ZNF710: variants seen among roughly 807,000 people sequenced by gnomAD.
The protein encoded by ZNF710 is zinc finger protein 710.
ZNF710 carries 13 observed loss-of-function variants against 50.6 expected under a neutral mutation model. That is an observed-to-expected ratio of 0.26 (90% CI 0.17 to 0.41). The LOEUF (loss-of-function observed/expected upper bound fraction) is 0.41. Among genes scored for constraint, ZNF710 ranks in the 10% least tolerant of loss-of-function variants. ZNF710 has a pLI of 1.00. For synonymous variants in ZNF710, 383 were observed against 397.0 expected, an observed-to-expected ratio of 0.96 and a Z score of 0.42; for missense variants, 721 against 936.6, an observed-to-expected ratio of 0.77 and a Z score of 3.01.
At position 90,068,718 on chromosome 15, in the gene ZNF710, TTTTG is replaced by T; in HGVS notation, c.1458+124_1458+127del. 9.1e-7 allele frequency: 1 copy of T among 1,097,282 alleles called. No individual in the cohort carries two copies. The highest frequency in any genetic ancestry group is 1.3e-6 in the Non-Finnish European group (1 of 775,110). The allele number at this position is 1,097,282 out of a possible 1,614,324, so 68.0% of individuals were successfully genotyped here. ...TCCTAGTTTTATCGTTACGTACTTATTTTGATGAGTATTAGAAATCAATTAGTAT... is the reference window on the plus strand; with the variant it reads ...TCCTAGTTTTATCGTTACGTACTTATATGAGTATTAGAAATCAATTAGTAT... On this transcript the variant is annotated intron_variant, in intron 2 of 4. Coordinates refer to ENST00000268154, the MANE Select transcript of ZNF710 (RefSeq NM_198526.4). This position sits in a 1 kb window ranked among gnomAD's most constrained non-coding sequence, Gnocchi z 5.0.
rs780096477 is a variant in ZNF710, at chr15:90,067,651, C to T, written c.514C>T (p.Arg172Trp). 11 of 1,612,906 alleles carry T rather than the reference C, an allele frequency of 6.8e-6. No homozygotes were observed. The highest frequency in any genetic ancestry group is 6.7e-5 in the East Asian group (3 of 44,842). ...CTTCAGCCGCAAGCCCCGGACGCTC[C>T]GGCATCTGCCCCGAACCCCGAGGCC... Reference protein sequence around the residue: ...SAFSRKPRTLRHLPRTPRPEL... With the variant: ...SAFSRKPRTLWHLPRTPRPEL... The change falls in exon 2 of 5, where the codon CGG becomes TGG. Residue 172 changes from arginine (R) to tryptophan (W), a missense_variant. By Grantham distance (101) the Arg-to-Trp change is moderately radical. Coordinates refer to ENST00000268154, the MANE Select transcript of ZNF710 (RefSeq NM_198526.4). This position sits in a 1 kb window ranked among gnomAD's most constrained non-coding sequence, Gnocchi z 8.1.
At chr15:90,007,687 C>G (rs1482957497) in intron 1 of ZNF710, among the ~76,000 whole-genome samples, 1 of 150,534 alleles carries the variant, frequency 6.6e-6, no homozygotes, top group Non-Finnish European at 1.5e-5. Flanking sequence ...AGCCTCAGAG[C>G]CAGGATTAGA....
intron 1 of ZNF710, chr15:90,025,752 C>T (rs1187741343): frequency 1.3e-5 from 2 of 152,150 alleles, no homozygotes; most frequent in Non-Finnish European, 2.9e-5. Flanking sequence ...TTGTGCCAGT[C>T]GGGGAGTCCT....
intron 1 of ZNF710, among the ~76,000 whole-genome samples, chr15:90,027,622 C>T (rs1424472056): frequency 6.6e-6 from 1 of 152,054 alleles, no homozygotes. Flanking sequence ...GAGGCCAAGG[C>T]AGGCTGATCA....
In ZNF710 at chr15:90,073,167, T is replaced by C; in HGVS notation, c.1555T>C (p.Tyr519His). Residue 519 changes from tyrosine (Y) to histidine (H), a missense_variant, in exon 3 of 5, where the codon TAC becomes CAC. Coordinates refer to ENST00000268154, the MANE Select transcript of ZNF710 (RefSeq NM_198526.4). Reference sequence around the variant, plus strand: ...GCTGATCCACACCAGCGTCCGGCCCTACCAGTGCCACATCTGCTTCAAGAC... The same window carrying C: ...GCTGATCCACACCAGCGTCCGGCCCCACCAGTGCCACATCTGCTTCAAGAC... Reference protein sequence around the residue: ...HMLIHTSVRPYQCHICFKTFV... With the variant: ...HMLIHTSVRPHQCHICFKTFV... The C allele has an allele frequency of 6.2e-7, 1 of 1,614,186 alleles. No homozygotes were observed.
chr15:90,047,293 A>C (rs956713148), intron 1 of ZNF710, among the ~76,000 whole-genome samples: 4 of 152,236 alleles, frequency 2.6e-5, no homozygotes, highest in Admixed American at 1.3e-4. Context: ...AATAGCAGCA[A>C]ACACCACAAG....
intron 1 of ZNF710, among the ~76,000 whole-genome samples, chr15:90,053,777 C>A (rs1281353372): frequency 6.6e-6 from 1 of 152,150 alleles, no homozygotes; most frequent in African/African-American, 2.4e-5. Flanking sequence ...CAGGGCCAGG[C>A]TCTCTGGGAT....
At chr15:90,079,571 CTT>C (rs1274377895) in intron 4 of ZNF710, 87 bp from the exon 5 acceptor site, 2 of 1,523,590 alleles carry the variant, frequency 1.3e-6, no homozygotes, top group African/African-American at 2.8e-5. Flanking sequence ...GAAGCCCTCT[CTT>C]TAGAAAGGCC....
At chr15:90,045,474 A>G in intron 1 of ZNF710, 1 of 902,392 alleles carries the variant, frequency 1.1e-6, no homozygotes. Flanking sequence ...CGCAGAAGCC[A>G]TGAGAGATGG....
intron 1 of ZNF710, among the ~76,000 whole-genome samples, chr15:90,013,543 A>G (rs966140680): frequency 2.0e-5 from 3 of 152,158 alleles, no homozygotes; most frequent in Non-Finnish European, 4.4e-5. Context: ...CTACAGATGG[A>G]TTCATTTCTC....
chr15:90,037,456 G>T (rs1899163492), intron 1 of ZNF710, among the ~76,000 whole-genome samples: 1 of 152,190 alleles, frequency 6.6e-6, no homozygotes, highest in Non-Finnish European at 1.5e-5. Context: ...TGGACAGAAG[G>T]AACTAGGGGA....
At chr15:90,027,468 C>G (rs1404666910) in intron 1 of ZNF710, among the ~76,000 whole-genome samples, 3 of 152,082 alleles carry the variant, frequency 2.0e-5, no homozygotes, top group South Asian at 2.1e-4. Flanking sequence ...CCTCGGCCTC[C>G]CAAAGTGCTA....
intron 2 of ZNF710, among the ~76,000 whole-genome samples, chr15:90,072,219 A>G (rs1900413171): frequency 6.6e-6 from 1 of 152,232 alleles, no homozygotes; most frequent in Non-Finnish European, 1.5e-5. Context: ...GAAAGTTCAC[A>G]GTCCAAACCA....
intron 1 of ZNF710, among the ~76,000 whole-genome samples, chr15:90,046,501 C>T (rs761642891): frequency 7.2e-5 from 11 of 151,986 alleles, no homozygotes; most frequent in Non-Finnish European, 1.2e-4. Context: ...GGCGGAGGGA[C>T]GAGTCAGTGC....
Position 90,067,436 on chromosome 15 carries a change from G to A in ZNF710, c.299G>A (p.Arg100Gln), listed in dbSNP as rs1228715585. The A allele has an allele frequency of 2.5e-6, 4 of 1,608,180 alleles. No individual in the cohort carries two copies. Among genetic ancestry groups the A allele is most frequent in the East Asian group, 4.5e-5 (2 of 44,626 alleles). Reference protein sequence around the residue: ...ACEKHTRRKTRPPVRLVPKVK... With the variant: ...ACEKHTRRKTQPPVRLVPKVK... ...GAGAAGCACACCCGGCGGAAGACGC[G>A]GCCACCTGTGCGGTTGGTGCCCAAG... is the stretch of plus-strand genomic sequence containing the variant. The change falls in exon 2 of 5, where the codon CGG becomes CAG. Residue 100 changes from arginine to glutamine, a missense_variant. Arg to Gln is a conservative substitution (Grantham distance 43). Around this residue, in one of 3 missense-constraint regions of ZNF710, gnomAD observed 326 missense variants for 347.1 expected, o/e 0.94. Transcript: ENST00000268154. This position sits in a 1 kb window ranked among gnomAD's most constrained non-coding sequence, Gnocchi z 8.1.
intron 1 of ZNF710, among the ~76,000 whole-genome samples, chr15:90,028,485 T>A (rs1300551906): frequency 6.6e-6 from 1 of 152,230 alleles, no homozygotes; most frequent in African/African-American, 2.4e-5. Flanking sequence ...TTGTGGATCA[T>A]GCCCTGTGCT....
In ZNF710 at chr15:90,081,089, G is replaced by A. The variant is rs1248622856; in HGVS notation, c.*1260G>A. The stretch of plus-strand genomic sequence containing the variant: ...CAGCAGGCTGGGGTGGGAGGCAGGA[G>A]AAGGCAGAGCTGGGAAGCCCTCCAC... On this transcript the variant is annotated 3_prime_UTR_variant, in exon 5 of 5. Coordinates refer to ENST00000268154, the MANE Select transcript of ZNF710 (RefSeq NM_198526.4). The A allele has an allele frequency of 6.6e-6, 1 of 152,246 alleles. No individual in the cohort carries two copies. The highest frequency in any genetic ancestry group is 2.4e-5 in the African/African-American group (1 of 41,446). The allele number at this position is 152,246 out of a possible 1,614,324, so 9.4% of individuals were successfully genotyped here.
chr15:90,013,861 C>T (rs1029498285), intron 1 of ZNF710, among the ~76,000 whole-genome samples: 6 of 152,172 alleles, frequency 3.9e-5, no homozygotes, highest in African/African-American at 1.4e-4. Flanking sequence ...ACATTCACAG[C>T]GTTCACAGGC....
At chr15:90,065,622 G>T (rs966869356) in intron 1 of ZNF710, among the ~76,000 whole-genome samples, 42 of 152,226 alleles carry the variant, frequency 2.8e-4, no homozygotes, top group African/African-American at 9.4e-4. Context: ...TGGGTGAAAA[G>T]ACCGGGCTCC....
Sources: gnomAD v4.1 joint callset for allele counts (sites outside exome capture counted in the v4.1 genomes callset) on GRCh38, gnomAD v4.1.1 for gene constraint, gnomAD v4.1.1 regional missense constraint, Gnocchi (gnomAD v3.1) non-coding constraint, MANE v1.5 for transcripts, NCBI Gene and HGNC (gene_info 2026-07-23, HGNC 2026-07-21) for gene names.